Variants in PRKG1 observed in about 807,000 individuals in gnomAD.
PRKG1 encodes cGMP-dependent protein kinase 1.
Under a neutral mutation model 88.1 loss-of-function variants are expected in PRKG1, and 35 were observed. The ratio of observed to expected loss-of-function variants is 0.40; its 90% CI spans 0.30 to 0.53. The LOEUF is 0.53. PRKG1 is among the 20% of genes least tolerant of loss of function. The pLI is 0.59. For missense variants in PRKG1, 540 were observed against 839.8 expected, an observed-to-expected ratio of 0.64 and a Z score of 4.41; for synonymous variants, 303 against 292.5, an observed-to-expected ratio of 1.04 and a Z score of -0.37.
At chr10:51,658,258 C>T (rs950694459) in intron 3 of PRKG1, among the ~76,000 whole-genome samples, 6 of 152,098 alleles carry the variant, frequency 3.9e-5, no homozygotes, top group Non-Finnish European at 8.8e-5. Flanking sequence ...CATGCACCCA[C>T]TCGCCATATC....
At chr10:51,715,097 A>G (rs1177929041) in intron 3 of PRKG1, among the ~76,000 whole-genome samples, 1 of 152,194 alleles carries the variant, frequency 6.6e-6, no homozygotes, top group East Asian at 1.9e-4. Context: ...TAAGACACTA[A>G]TAATAGTTTC....
intron 1 of PRKG1, among the ~76,000 whole-genome samples, chr10:51,115,386 A>ATATAGATATATATATATATATATATAT (rs1465710988): frequency 1.4e-5 from 1 of 70,382 alleles, no homozygotes; most frequent in African/African-American, 5.1e-5. Flanking sequence ...TATATATATA[A>ATATAGATATATATATATATATATATAT]AACAAATGTG....
chr10:51,698,444 C>G, intron 3 of PRKG1: 1 of 1,614,120 alleles, frequency 6.2e-7, no homozygotes, highest in South Asian at 1.1e-5. Flanking sequence ...AGTGTCATGA[C>G]CAGAGGCATG....
At chr10:51,373,256 G>A (rs1370848711) in intron 2 of PRKG1, among the ~76,000 whole-genome samples, 2 of 152,144 alleles carry the variant, frequency 1.3e-5, no homozygotes, top group Admixed American at 6.5e-5. Context: ...GCAACACAAA[G>A]TTATTATTTC....
intron 9 of PRKG1, among the ~76,000 whole-genome samples, chr10:52,172,473 G>T (rs902072351): frequency 6.6e-6 from 1 of 152,122 alleles, no homozygotes; most frequent in Non-Finnish European, 1.5e-5. Context: ...CCTCTCCAGA[G>T]CCCCCAGAGA....
chr10:52,089,835 G>C (rs573759862), intron 7 of PRKG1, among the ~76,000 whole-genome samples: 1 of 71,382 alleles, frequency 1.4e-5, no homozygotes, highest in Non-Finnish European at 2.3e-5. Flanking sequence ...TTTTGAGATG[G>C]AGTCTTGCTC....
chr10:52,229,021 T>A (rs887981919), intron 9 of PRKG1, among the ~76,000 whole-genome samples: 4 of 152,228 alleles, frequency 2.6e-5, no homozygotes, highest in Non-Finnish European at 4.4e-5. Context: ...TAAACTCACA[T>A]GACATGATGA....
intron 3 of PRKG1, among the ~76,000 whole-genome samples, chr10:51,678,872 C>T (rs1242096752): frequency 6.6e-6 from 1 of 152,172 alleles, no homozygotes; most frequent in Non-Finnish European, 1.5e-5. Context: ...TCAGGGTGAA[C>T]ATCAGTTATT....
At chr10:51,574,464 C>A (rs984891387) in intron 3 of PRKG1, among the ~76,000 whole-genome samples, 1 of 151,870 alleles carries the variant, frequency 6.6e-6, no homozygotes, top group Non-Finnish European at 1.5e-5. Context: ...GAGAAACAAA[C>A]CATGTCATAT....
chr10:52,288,695 A>C, intron 14 of PRKG1, 31 bp from the exon 15 acceptor site: 2 of 1,547,060 alleles, frequency 1.3e-6, no homozygotes, highest in Non-Finnish European at 1.7e-6. Context: ...AATAAAAGTA[A>C]TATCTCTTGT....
At chr10:51,748,657 T>C (rs1341816529) in intron 3 of PRKG1, among the ~76,000 whole-genome samples, 1 of 152,228 alleles carries the variant, frequency 6.6e-6, no homozygotes, top group Non-Finnish European at 1.5e-5. Flanking sequence ...ATTGGATGTT[T>C]AAGCCAAAAT....
At chr10:51,578,488 G>C (rs1837944194) in intron 3 of PRKG1, among the ~76,000 whole-genome samples, 1 of 152,078 alleles carries the variant, frequency 6.6e-6, no homozygotes, top group Non-Finnish European at 1.5e-5. Flanking sequence ...AAGTGTAGAA[G>C]TATAGAGAAA....
chr10:52,292,074 G>A (rs181778227), intron 17 of PRKG1, among the ~76,000 whole-genome samples: 8 of 152,022 alleles, frequency 5.3e-5, no homozygotes, highest in Non-Finnish European at 8.8e-5. Flanking sequence ...GAGAAGTGTC[G>A]GTTCATGTCC....
chr10:51,614,589 G>C (rs1838997371), intron 3 of PRKG1, among the ~76,000 whole-genome samples: 1 of 151,912 alleles, frequency 6.6e-6, no homozygotes, highest in Non-Finnish European at 1.5e-5. Flanking sequence ...TTTGTTGCTT[G>C]TTTAATGTGT....
At chr10:52,055,556 C>T (rs1250405740) in intron 6 of PRKG1, among the ~76,000 whole-genome samples, 1 of 152,018 alleles carries the variant, frequency 6.6e-6, no homozygotes, top group East Asian at 1.9e-4. Flanking sequence ...TAATGCTATA[C>T]TATTGTATTA....
intron 7 of PRKG1, among the ~76,000 whole-genome samples, chr10:52,077,834 A>G (rs143030904): frequency 1.1e-3 from 168 of 152,280 alleles, no homozygotes; most frequent in African/African-American, 3.6e-3. Context: ...AGTGCAATAA[A>G]CTCACTGACA....
At chr10:51,207,651 A>C (rs1448815371) in intron 2 of PRKG1, among the ~76,000 whole-genome samples, 2 of 151,838 alleles carry the variant, frequency 1.3e-5, no homozygotes, top group Non-Finnish European at 2.9e-5. Flanking sequence ...TACTGCCCCC[A>C]TTTCCTCTAC....
chr10:51,136,201 A>G (rs966129838), intron 1 of PRKG1, among the ~76,000 whole-genome samples: 1 of 152,040 alleles, frequency 6.6e-6, no homozygotes, highest in African/African-American at 2.4e-5. Flanking sequence ...AAGGTGACCT[A>G]TGGATTTCTA....
intron 3 of PRKG1, among the ~76,000 whole-genome samples, chr10:51,734,688 G>T (rs1042880720): frequency 3.3e-5 from 5 of 152,090 alleles, no homozygotes; most frequent in African/African-American, 1.2e-4. Context: ...GATAAACACA[G>T]ACTGAAATAA....
Sources: gnomAD v4.1 joint callset for allele counts (sites outside exome capture counted in the v4.1 genomes callset) on GRCh38, gnomAD v4.1.1 for gene constraint, MANE v1.5 for transcripts, NCBI Gene and HGNC (gene_info 2026-07-23, HGNC 2026-07-21) for gene names.